The following PDE10A variants were observed in gnomAD, a reference collection of about 807,000 sequenced individuals.
PDE10A encodes phosphodiesterase 10A.
PDE10A carries 39 observed loss-of-function variants against 97.7 expected under a neutral mutation model. That is an observed-to-expected ratio of 0.40 (90% CI 0.31 to 0.52). The LOEUF (loss-of-function observed/expected upper bound fraction) is 0.52. Among genes scored for constraint, PDE10A ranks in the 20% least tolerant of loss-of-function variants. PDE10A has a pLI of 0.56. For missense variants in PDE10A, 731 were observed against 1,047.8 expected (o/e 0.70, Z 4.17); for synonymous variants, 371 against 376.8 (o/e 0.98, Z 0.18).
intron 1 of PDE10A, among the ~76,000 whole-genome samples, chr6:165,751,644 C>A (rs1015767221): frequency 5.3e-5 from 8 of 152,128 alleles, no homozygotes; most frequent in African/African-American, 1.9e-4. Flanking sequence ...AGTGAAGAAA[C>A]CGGCCAAAAC....
intron 1 of PDE10A, among the ~76,000 whole-genome samples, chr6:165,947,853 C>A (rs1036861810): frequency 5.3e-5 from 8 of 152,116 alleles, no homozygotes; most frequent in African/African-American, 1.9e-4. Context: ...CACTTACCCC[C>A]GACCTGGAAT....
chr6:165,755,069 G>A (rs991658100), intron 1 of PDE10A, among the ~76,000 whole-genome samples: 1 of 152,042 alleles, frequency 6.6e-6, no homozygotes, highest in Non-Finnish European at 1.5e-5. Context: ...TTTATGGAGA[G>A]GGACACACTC....
intron 16 of PDE10A, among the ~76,000 whole-genome samples, chr6:165,389,689 G>T (rs66848668): frequency 6.6e-6 from 1 of 151,950 alleles, no homozygotes; most frequent in Non-Finnish European, 1.5e-5. Flanking sequence ...GAAGCCTCAC[G>T]GCCTGGAGAT....
intron 1 of PDE10A, among the ~76,000 whole-genome samples, chr6:165,719,303 T>C (rs1350540080): frequency 6.6e-6 from 1 of 152,166 alleles, no homozygotes; most frequent in East Asian, 1.9e-4. Flanking sequence ...GGAACGTTCC[T>C]GTGAAGCTCA....
At chr6:165,717,639 G>A (rs1792058581) in intron 1 of PDE10A, among the ~76,000 whole-genome samples, 1 of 152,002 alleles carries the variant, frequency 6.6e-6, no homozygotes, top group East Asian at 1.9e-4. Context: ...TTTCTTTTGA[G>A]TATATATCCA....
At chr6:165,682,988 C>T (rs1312590446) in intron 1 of PDE10A, among the ~76,000 whole-genome samples, 1 of 152,186 alleles carries the variant, frequency 6.6e-6, no homozygotes, top group Non-Finnish European at 1.5e-5. Context: ...TTCATTGTGT[C>T]GTTCCCCCAC....
chr6:165,959,211 C>T (rs1038180359), intron 1 of PDE10A, among the ~76,000 whole-genome samples: 1 of 152,172 alleles, frequency 6.6e-6, no homozygotes, highest in Non-Finnish European at 1.5e-5. Flanking sequence ...AAGGTGAGGC[C>T]ATTCCTAAAA....
intron 18 of PDE10A, among the ~76,000 whole-genome samples, chr6:165,365,297 T>C (rs1783700419): frequency 6.6e-6 from 1 of 152,198 alleles, no homozygotes; most frequent in South Asian, 2.1e-4. Context: ...CAAAAGATAA[T>C]TTTGTAGCAT....
chr6:165,671,511 G>T lies in PDE10A; in HGVS notation c.-614-127943C>A, dbSNP rs528526651. On this transcript the variant is annotated intron_variant, in intron 1 of 19. Coordinates refer to the PDE10A transcript ENST00000366882. The surrounding 1 kb of genome is among the most constrained non-coding windows in gnomAD (Gnocchi z 4.6). ...CAGCTGCTCATGCTGCCACCTTCCC[G>T]TTGGCTGCTGTGTATATCTCTCCAT... 1.3e-5 allele frequency among the ~76,000 whole-genome samples: 2 copies of T among 152,208 alleles called. No individual in the cohort carries two copies. The highest frequency in any genetic ancestry group is 4.2e-4 in the South Asian group (2 of 4,808).
intron 18 of PDE10A, among the ~76,000 whole-genome samples, chr6:165,361,188 C>G (rs1459039045): frequency 6.6e-6 from 1 of 152,080 alleles, no homozygotes; most frequent in South Asian, 2.1e-4. Flanking sequence ...ATAAGCAGTA[C>G]AGAAATCAAT....
intron 1 of PDE10A, among the ~76,000 whole-genome samples, chr6:165,908,214 C>T (rs1251997748): frequency 6.6e-6 from 1 of 152,214 alleles, no homozygotes; most frequent in Non-Finnish European, 1.5e-5. Flanking sequence ...GAGTCGGGCT[C>T]TGTCCCTGTT....
At position 165,525,690 on chromosome 6, in the gene PDE10A, A is replaced by G. The variant is rs539971163; in HGVS notation, c.994+17750T>C. On this transcript the variant is annotated intron_variant, in intron 2 of 21. Transcript: ENST00000539869. ...ACAGTCACTCAAATACCAAATTTAA[A>G]TACAATGGAAATAACTGGATCCCAA... 4.0e-3 allele frequency among the ~76,000 whole-genome samples: 606 copies of G among 152,312 alleles called. 2 individuals are homozygous for G. The highest frequency in any genetic ancestry group is 0.014 in the African/African-American group (577 of 41,568).
chr6:165,796,091 CTTTTTTTTTT>C (rs1168771487), intron 1 of PDE10A, among the ~76,000 whole-genome samples: 2 of 108,814 alleles, frequency 1.8e-5, no homozygotes, highest in Non-Finnish European at 3.6e-5. Flanking sequence ...TTTTTCTTTT[CTTTTTTTTTT>C]TTTTTTTTTT....
intron 1 of PDE10A, among the ~76,000 whole-genome samples, chr6:165,892,210 A>G (rs541096496): frequency 2.0e-4 from 30 of 152,248 alleles, no homozygotes; most frequent in Admixed American, 7.2e-4. Context: ...GGGAGATGGG[A>G]GTTGAAGGTG....
Position 165,330,631 on chromosome 6 carries a change from T to C in PDE10A, c.*2394A>G, listed in dbSNP as rs941106748. 2 of 152,156 alleles carry C rather than the reference T, an allele frequency of 1.3e-5. No individual in the cohort carries two copies. Among genetic ancestry groups the C allele is most frequent in the African/African-American group, 4.8e-5 (2 of 41,444 alleles). The allele number at this position is 152,156 out of a possible 1,614,324, so 9.4% of individuals were successfully genotyped here. On this transcript the variant is annotated 3_prime_UTR_variant, in exon 22 of 22. Coordinates refer to ENST00000539869, the MANE Select transcript of PDE10A (RefSeq NM_001385079.1). ...CCAATCACATTCCTTTGGGAAACTG[T>C]TCTAAATAGAGATTACATAATACAC...
chr6:165,884,598 C>T (rs2500473), intron 1 of PDE10A, among the ~76,000 whole-genome samples: 124,950 of 152,244 alleles, frequency 0.82, 51,809 homozygotes, highest in East Asian at 0.97. Flanking sequence ...TTTCAATCAA[C>T]TTATATCACA....
intron 1 of PDE10A, among the ~76,000 whole-genome samples, chr6:165,704,541 G>A (rs1791660324): frequency 6.6e-6 from 1 of 152,186 alleles, no homozygotes; most frequent in African/African-American, 2.4e-5. Context: ...TGTCACCACT[G>A]AAACTCTGTA....
chr6:165,599,233 A>C (rs1786789415), intron 1 of PDE10A, among the ~76,000 whole-genome samples: 1 of 152,242 alleles, frequency 6.6e-6, no homozygotes. Context: ...TACTAAAACA[A>C]GCAAACACAA....
In PDE10A at chr6:165,891,400, C is replaced by T. The variant is rs140464720; in HGVS notation, c.-615+96129G>A. Among the ~76,000 whole-genome samples the T allele has an allele frequency of 8.0e-4, 122 of 152,222 alleles. 1 individual carries two copies. The East Asian group carries it at 0.021, about 26-fold the overall frequency. On this transcript the variant is annotated intron_variant, in intron 1 of 19. Coordinates refer to the PDE10A transcript ENST00000366882. ...TTCCCTGCATTTGGGGGTGAGTTGTCGCCAGCTGTCCCCAAGTGGTTGCTG... is the reference window on the plus strand; with the variant it reads ...TTCCCTGCATTTGGGGGTGAGTTGTTGCCAGCTGTCCCCAAGTGGTTGCTG...
Sources: allele counts gnomAD v4.1 joint callset (sites outside exome capture counted in the v4.1 genomes callset), GRCh38; gene constraint gnomAD v4.1.1; non-coding constraint Gnocchi (gnomAD v3.1); transcripts MANE v1.5; gene names NCBI Gene and HGNC (gene_info 2026-07-23, HGNC 2026-07-21).